Variants in PLEKHB2 observed in about 807,000 individuals in gnomAD.
PLEKHB2 encodes the protein pleckstrin homology domain containing B2, also known as pleckstrin homology domain-containing family B member 2.
A neutral mutation model predicts 36.5 loss-of-function variants in PLEKHB2; 31 were observed. The ratio of observed to expected loss-of-function variants is 0.85; its 90% confidence interval spans 0.64 to 1.15. The LOEUF (loss-of-function observed/expected upper bound fraction) is 1.15. PLEKHB2 is among the 50% of genes most tolerant of loss of function. The pLI, the probability that PLEKHB2 is intolerant of heterozygous loss-of-function variation, is 0.00. For synonymous variants in PLEKHB2, 119 were observed against 112.0 expected (o/e 1.06, Z -0.39); for missense variants, 262 against 295.3 (o/e 0.89, Z 0.83).
intron 4 of PLEKHB2, among the ~76,000 whole-genome samples, chr2:131,128,488 TCTA>T (rs1327361549): frequency 4.6e-5 from 7 of 152,330 alleles, no homozygotes; most frequent in African/African-American, 1.7e-4. Context: ...ACACTCACCA[TCTA>T]TCAACTATTT....
At chr2:131,123,859 T>C (rs1432825529) in intron 2 of PLEKHB2, among the ~76,000 whole-genome samples, 2 of 142,300 alleles carry the variant, frequency 1.4e-5, no homozygotes, top group African/African-American at 2.6e-5. Flanking sequence ...TTTTTTTTTT[T>C]TCTTTTTAAG....
intron 2 of PLEKHB2, among the ~76,000 whole-genome samples, chr2:131,123,668 G>A (rs557424674): frequency 6.6e-6 from 1 of 151,504 alleles, no homozygotes; most frequent in South Asian, 2.1e-4. Flanking sequence ...GGGATTACAG[G>A]TGTGCGCCAC....
At chr2:131,139,273 C>T (rs1219014385) in intron 6 of PLEKHB2, among the ~76,000 whole-genome samples, 1 of 152,132 alleles carries the variant, frequency 6.6e-6, no homozygotes, top group Non-Finnish European at 1.5e-5. Context: ...AGTTCCTCTC[C>T]CGTCTGTCTT....
At chr2:131,115,478 C>T (rs905457494) in intron 1 of PLEKHB2, among the ~76,000 whole-genome samples, 4 of 150,586 alleles carry the variant, frequency 2.7e-5, no homozygotes, top group Non-Finnish European at 4.4e-5. Flanking sequence ...CTCAGCCTCC[C>T]GAGTAGCTGG....
intron 2 of PLEKHB2, among the ~76,000 whole-genome samples, chr2:131,122,326 A>T (rs1696606455): frequency 6.6e-6 from 1 of 152,236 alleles, no homozygotes; most frequent in African/African-American, 2.4e-5. Flanking sequence ...CTACCATGTC[A>T]TTTATGATTC....
At chr2:131,127,919 C>T (rs937204892) in intron 4 of PLEKHB2, among the ~76,000 whole-genome samples, 1 of 152,178 alleles carries the variant, frequency 6.6e-6, no homozygotes, top group Non-Finnish European at 1.5e-5. Context: ...CAGGACTCAT[C>T]ATTGCAGGGC....
intron 2 of PLEKHB2, among the ~76,000 whole-genome samples, chr2:131,125,386 C>T (rs549086191): frequency 2.6e-5 from 4 of 152,310 alleles, no homozygotes; most frequent in East Asian, 1.9e-4. Flanking sequence ...CACCAGTTGG[C>T]GGGCCCTGTG....
chr2:131,105,828 C>G (rs750395633), intron 1 of PLEKHB2, among the ~76,000 whole-genome samples: 1 of 152,134 alleles, frequency 6.6e-6, no homozygotes, highest in Non-Finnish European at 1.5e-5. Context: ...TGTCTGACTG[C>G]CGGGACCTGC....
chr2:131,105,986 G>A (rs1694683502), intron 1 of PLEKHB2, among the ~76,000 whole-genome samples: 1 of 152,174 alleles, frequency 6.6e-6, no homozygotes, highest in Non-Finnish European at 1.5e-5. Flanking sequence ...CTCGCGGTGC[G>A]GTCCGCCCCC....
At chr2:131,143,525 T>G (rs909558701) in intron 7 of PLEKHB2, among the ~76,000 whole-genome samples, 4 of 152,218 alleles carry the variant, frequency 2.6e-5, no homozygotes, top group African/African-American at 9.6e-5. Flanking sequence ...TAAATCTGGA[T>G]AGCATTTTGC....
chr2:131,136,458 C>T (rs777756938), intron 6 of PLEKHB2, among the ~76,000 whole-genome samples: 29 of 151,624 alleles, frequency 1.9e-4, no homozygotes, highest in African/African-American at 6.1e-4. Context: ...AATCCTCCTG[C>T]CTGGGCCTCC....
At chr2:131,129,083 G>A (rs1453782327) in intron 4 of PLEKHB2, among the ~76,000 whole-genome samples, 2 of 152,240 alleles carry the variant, frequency 1.3e-5, no homozygotes, top group Non-Finnish European at 2.9e-5. Flanking sequence ...CCAGCACTTT[G>A]GGAGGTCAAG....
chr2:131,132,991 G>A lies in PLEKHB2; in HGVS notation c.423G>A (p.Glu141=). 6.2e-7 allele frequency: 1 copy of A among 1,611,014 alleles called. No individual in the cohort carries two copies. The highest frequency in any genetic ancestry group is 8.5e-7 in the Non-Finnish European group (1 of 1,177,204). Residue 141 remains glutamate, a splice_region_variant and synonymous_variant, in exon 6 of 8, where the codon GAG becomes GAA. Transcript: ENST00000693505. The part of the protein sequence containing the change: ...PYTAYAAPAP[E]QAYGYGPYGG... ...CGGCCTATGCTGCACCGGCCCCTGA[G>A]GTAGGGAGAACCCTGAGCCTCCAGG...
intron 4 of PLEKHB2, among the ~76,000 whole-genome samples, chr2:131,127,350 G>C (rs554515608): frequency 6.6e-6 from 1 of 152,186 alleles, no homozygotes; most frequent in Non-Finnish European, 1.5e-5. Context: ...CTCTGCCTCT[G>C]TTGTCACATG....
chr2:131,132,227 A>G (rs1697775170), intron 5 of PLEKHB2, among the ~76,000 whole-genome samples: 1 of 152,160 alleles, frequency 6.6e-6, no homozygotes, highest in Non-Finnish European at 1.5e-5. Flanking sequence ...TAAAAAACAG[A>G]CTTATGTATA....
chr2:131,114,328 G>A (rs1695637246), intron 1 of PLEKHB2, among the ~76,000 whole-genome samples: 1 of 152,086 alleles, frequency 6.6e-6, no homozygotes, highest in African/African-American at 2.4e-5. Context: ...GTTTCATCGT[G>A]TTAGCCAGGA....
At position 131,146,485 on chromosome 2, in the gene PLEKHB2, G is replaced by A. The variant is rs989750674; in HGVS notation, c.533-152G>A. ...CCCAGTGTGCGGTTTCAGGGATGTC[G>A]GCCACATGATGTGCCTGTTGTGGAG... On this transcript the variant is annotated intron_variant, in intron 7 of 7. Transcript: ENST00000693505. 12 of 702,326 alleles carry A rather than the reference G, an allele frequency of 1.7e-5. No homozygotes were observed. In the African/African-American group the frequency reaches 1.8e-4, roughly 11 times the overall value. The allele number at this position is 702,326 out of a possible 1,614,324, so 43.5% of individuals were successfully genotyped here. A position where few individuals can be genotyped will look rare whatever the true frequency, so the allele number is the denominator to read the frequency against.
Position 131,119,994 on chromosome 2 carries a change from A to T in PLEKHB2, c.-8-940A>T, listed in dbSNP as rs1421259357. On this transcript the variant is annotated intron_variant, in intron 1 of 7. Coordinates refer to ENST00000693505, the MANE Select transcript of PLEKHB2 (RefSeq NM_001100623.2). ...TCTTTTTTTTTTTTTTTTGAGACAG[A>T]GTCTTACTCTGTTGCCCAGGCTGGA... 2.8e-5 allele frequency among the ~76,000 whole-genome samples: 4 copies of T among 144,442 alleles called. No homozygotes were observed. The East Asian group carries it at 6.1e-4, about 22-fold the overall frequency. The allele number at this position is 144,442 out of a possible 152,430, so 94.8% of individuals were successfully genotyped here.
At chr2:131,132,825 A>T (rs1697845022) in intron 5 of PLEKHB2, 77 bp from the exon 6 acceptor site, 3 of 781,748 alleles carry the variant, frequency 3.8e-6, no homozygotes, top group East Asian at 2.5e-5. Context: ...TTTGCTAAAT[A>T]AAAGGGACAA....
Sources: gnomAD v4.1 joint callset for allele counts (sites outside exome capture counted in the v4.1 genomes callset) on GRCh38, gnomAD v4.1.1 for gene constraint, MANE v1.5 for transcripts, NCBI Gene and HGNC (gene_info 2026-07-23, HGNC 2026-07-21) for gene names.